The following FGF13 variants were observed in gnomAD, a reference collection of about 807,000 sequenced individuals.
FGF13 encodes the protein fibroblast growth factor homologous factor 2.
In FGF13, 2 loss-of-function variants were observed where a neutral mutation model predicts 19.5. That is an observed-to-expected ratio of 0.10 (90% CI 0.04 to 0.32). The LOEUF (loss-of-function observed/expected upper bound fraction) is 0.32, where lower values mean the gene tolerates loss of function less well. Ranked by LOEUF, FGF13 falls within the 10% of genes least tolerant of loss-of-function variation. FGF13 has a pLI of 1.00. For missense variants in FGF13, 113 were observed against 192.7 expected, an observed-to-expected ratio of 0.59 and a Z score of 2.45; for synonymous variants, 72 against 76.9, an observed-to-expected ratio of 0.94 and a Z score of 0.33.
At chrX:139,104,457 A>T (rs140015300) in intron 1 of FGF13, among the ~76,000 whole-genome samples, 26 of 110,727 alleles carry the variant, frequency 2.3e-4, no homozygotes, top group African/African-American at 8.5e-4. Context: ...AACCAGGAAT[A>T]TTGGGCAGCA....
rs2089961084 is a variant in FGF13, at chrX:138,702,927, C to A, written c.402+57G>T. ...TGATAACACATATAAAGCACATTTTCTTTCATATTGGATGAAAACTAGAAT... is the reference window on the plus strand; with the variant it reads ...TGATAACACATATAAAGCACATTTTATTTCATATTGGATGAAAACTAGAAT... On this transcript the variant is annotated intron_variant, in intron 3 of 4. Transcript: ENST00000315930. 4 of 844,437 alleles carry A rather than the reference C, an allele frequency of 4.7e-6. No individual in the cohort carries two copies. The East Asian group carries it at 1.3e-4, about 26-fold the overall frequency. The allele number at this position is 844,437 out of a possible 1,213,427, so 69.6% of individuals were successfully genotyped here.
chrX:139,101,256 G>C (rs1000942894), intron 1 of FGF13, among the ~76,000 whole-genome samples: 2 of 112,243 alleles, frequency 1.8e-5, no homozygotes, highest in African/African-American at 6.5e-5. Context: ...AAAGCCAATA[G>C]TCTACTATCC....
chrX:138,991,527 T>C (rs1467861420), intron 1 of FGF13, among the ~76,000 whole-genome samples: 2 of 112,026 alleles, frequency 1.8e-5, no homozygotes, highest in Non-Finnish European at 3.8e-5. Context: ...TCTAAAGGTC[T>C]TTTCAGCTCT....
At chrX:139,055,704 T>C (rs1020485229) in intron 1 of FGF13, among the ~76,000 whole-genome samples, 8 of 112,909 alleles carry the variant, frequency 7.1e-5, no homozygotes, top group Non-Finnish European at 1.9e-5. Context: ...AAACAAGTTA[T>C]CCATTTGTAA....
At chrX:138,984,575 GAA>G (rs1185110349) in intron 1 of FGF13, among the ~76,000 whole-genome samples, 1 of 54,223 alleles carries the variant, frequency 1.8e-5, no homozygotes, top group African/African-American at 7.0e-5. Context: ...AGAAGAAGAA[GAA>G]GAAGAAGAAG....
chrX:139,059,347 A>T (rs1333290356), intron 1 of FGF13, among the ~76,000 whole-genome samples: 1 of 110,290 alleles, frequency 9.1e-6, no homozygotes, highest in Non-Finnish European at 1.9e-5. Flanking sequence ...CAGACAGTAT[A>T]CCTGAGTCAC....
intron 1 of FGF13, among the ~76,000 whole-genome samples, chrX:139,095,065 T>C (rs2083461951): frequency 8.9e-6 from 1 of 112,472 alleles, no homozygotes; most frequent in African/African-American, 3.2e-5. Flanking sequence ...CTCCTGAGGA[T>C]AACCTTTGTT....
chrX:138,711,200 G>A lies in FGF13; in HGVS notation c.-197C>T. 2 of 1,064,176 alleles carry A rather than the reference G, an allele frequency of 1.9e-6. No individual in the cohort carries two copies. Among genetic ancestry groups the A allele is most frequent in the Non-Finnish European group, 2.4e-6 (2 of 829,090 alleles). 87.7% of individuals were successfully genotyped at this position (1,064,176 alleles called of 1,213,427 possible). A position where few individuals can be genotyped will look rare whatever the true frequency, so the allele number is the denominator to read the frequency against. On this transcript the variant is annotated 5_prime_UTR_variant, in exon 1 of 5. Coordinates refer to ENST00000315930, the MANE Select transcript of FGF13 (RefSeq NM_004114.5). ...GCATGCCGTCCGAGCTCCTCCGGCG[G>A]CGGTCCGGCTCCCGCGCGGGCTGCT...
intron 1 of FGF13, among the ~76,000 whole-genome samples, chrX:139,090,878 G>A (rs1254493588): frequency 9.8e-6 from 1 of 101,934 alleles, no homozygotes; most frequent in South Asian, 4.7e-4. Flanking sequence ...GGAGGTTGAG[G>A]CTTCAGTGAG....
At chrX:139,054,117 CTTTTTTTTTTTTTT>C (rs58544411) in intron 1 of FGF13, among the ~76,000 whole-genome samples, 1 of 33,960 alleles carries the variant, frequency 2.9e-5, no homozygotes, top group African/African-American at 1.5e-4. Context: ...GTCTACGTGC[CTTTTTTTTTTTTTT>C]TTTTTTTTTT....
Position 138,974,420 on chromosome X carries a change from T to C in FGF13, c.-112-109770A>G, listed in dbSNP as rs920222665. 5.4e-5 allele frequency among the ~76,000 whole-genome samples: 6 copies of C among 111,516 alleles called. No individual in the cohort carries two copies. The East Asian group carries it at 1.7e-3, about 32-fold the overall frequency. The stretch of plus-strand genomic sequence containing the variant: ...CTGGCTGGTGTGATTTTATTCATTT[T>C]ATAATACAGCCTACAAGGATCCCCT... On this transcript the variant is annotated intron_variant, in intron 1 of 2. Coordinates refer to the FGF13 transcript ENST00000421460.
intron 1 of FGF13, among the ~76,000 whole-genome samples, chrX:139,157,905 C>A (rs1174503861): frequency 1.8e-5 from 2 of 112,195 alleles, no homozygotes; most frequent in Non-Finnish European, 3.8e-5. Context: ...AACTGAGGTA[C>A]CCAGCTCATC....
At chrX:139,063,328 T>C (rs1008029123) in intron 1 of FGF13, among the ~76,000 whole-genome samples, 7 of 111,946 alleles carry the variant, frequency 6.3e-5, no homozygotes, top group African/African-American at 2.3e-4. Context: ...TCTTACATTA[T>C]CTGTGTAGAA....
chrX:139,095,939 C>T (rs964380591), intron 1 of FGF13, among the ~76,000 whole-genome samples: 21 of 111,585 alleles, frequency 1.9e-4, no homozygotes, highest in Non-Finnish European at 3.6e-4. Flanking sequence ...AAGAAAGAAA[C>T]ACAATAAGAA....
rs757185262 is a variant in FGF13, at chrX:139,148,330, T to G, written c.-113+55086A>C. Reference sequence around the variant, plus strand: ...AGAACACACACCTGCCTATTCAGAGTAGAACTTCATACACTACCCAGGAAT... The same window carrying G: ...AGAACACACACCTGCCTATTCAGAGGAGAACTTCATACACTACCCAGGAAT... On this transcript the variant is annotated intron_variant, in intron 1 of 2. Coordinates refer to the FGF13 transcript ENST00000421460. 2.7e-5 allele frequency among the ~76,000 whole-genome samples: 3 copies of G among 111,135 alleles called. No homozygotes were observed. The East Asian group carries it at 8.6e-4, about 32-fold the overall frequency.
chrX:138,855,994 T>TGTGTGTGTGTGTG (rs1569412173), downstream of FGF13, among the ~76,000 whole-genome samples: 1 of 100,798 alleles, frequency 9.9e-6, no homozygotes, highest in African/African-American at 4.0e-5. Flanking sequence ...GTGTGTGTGT[T>TGTGTGTGTGTGTG]TATAATTTTT....
At chrX:138,740,639 A>G (rs1277231749), upstream of FGF13, among the ~76,000 whole-genome samples, 1 of 111,249 alleles carries the variant, frequency 9.0e-6, no homozygotes, top group South Asian at 3.9e-4. Context: ...CTATACCCCA[A>G]TAGCCATCCA....
chrX:138,738,935 T>C (rs2090299795), intron 1 of FGF13, among the ~76,000 whole-genome samples: 2 of 111,434 alleles, frequency 1.8e-5, no homozygotes, highest in Admixed American at 1.9e-4. Flanking sequence ...AATCAGTTAG[T>C]GCCACCATTT....
intron 3 of FGF13, among the ~76,000 whole-genome samples, chrX:138,779,526 T>A (rs2090619985): frequency 9.2e-6 from 1 of 108,687 alleles, no homozygotes; most frequent in Admixed American, 9.9e-5. Flanking sequence ...TGCAGAAGCC[T>A]CAGGAGCCGA....
Sources: gnomAD v4.1 joint callset for allele counts (sites outside exome capture counted in the v4.1 genomes callset) on GRCh38, gnomAD v4.1.1 for gene constraint, MANE v1.5 for transcripts, NCBI Gene and HGNC (gene_info 2026-07-23, HGNC 2026-07-21) for gene names.